Variants in NTM observed in about 807,000 individuals in gnomAD.
The protein encoded by NTM is IgLON family member 2.
Under a neutral mutation model 42.1 loss-of-function variants are expected in NTM, and 13 were observed. The observed-to-expected ratio is 0.31, with a 90% confidence interval of 0.20 to 0.49. The LOEUF is 0.49. Among genes scored for constraint, NTM ranks in the 20% least tolerant of loss-of-function variants. The pLI, the probability that NTM is intolerant of heterozygous loss-of-function variation, is 0.99. For missense variants in NTM, 373 were observed against 452.8 expected (o/e 0.82, Z 1.60); for synonymous variants, 187 against 179.2 (o/e 1.04, Z -0.35).
intron 1 of NTM, chr11:131,796,060 C>A: frequency 1.0e-6 from 1 of 985,376 alleles, no homozygotes; most frequent in Non-Finnish European, 1.2e-6. Flanking sequence ...TGATCAGTGC[C>A]AAACAGGAAA....
chr11:131,692,000 T>C (rs1046382046), intron 1 of NTM, among the ~76,000 whole-genome samples: 1 of 152,146 alleles, frequency 6.6e-6, no homozygotes, highest in Non-Finnish European at 1.5e-5. Flanking sequence ...GCGTGGGAAC[T>C]GTCATCAAGG....
intron 2 of NTM, among the ~76,000 whole-genome samples, chr11:132,095,349 C>G (rs1314895440): frequency 6.6e-6 from 1 of 152,094 alleles, no homozygotes; most frequent in Non-Finnish European, 1.5e-5. Flanking sequence ...GTTGCAGGAG[C>G]CCCTCCACAG....
intron 2 of NTM, among the ~76,000 whole-genome samples, chr11:132,033,229 T>C (rs1208939861): frequency 6.6e-6 from 1 of 152,168 alleles, no homozygotes; most frequent in African/African-American, 2.4e-5. Context: ...AGCCCAATCA[T>C]CCCCAGCTAG....
intron 1 of NTM, among the ~76,000 whole-genome samples, chr11:131,849,841 G>A (rs1316464854): frequency 6.9e-6 from 1 of 145,832 alleles, no homozygotes; most frequent in Non-Finnish European, 1.5e-5. Flanking sequence ...GGCGGGGGGA[G>A]GGATAGCATT....
At chr11:131,635,877 T>C (rs2064305011) in intron 1 of NTM, among the ~76,000 whole-genome samples, 1 of 152,216 alleles carries the variant, frequency 6.6e-6, no homozygotes, top group Non-Finnish European at 1.5e-5. Context: ...TTACTGTACC[T>C]TTCCTCTGTT....
At chr11:132,074,337 G>A (rs1228148725) in intron 2 of NTM, among the ~76,000 whole-genome samples, 1 of 152,116 alleles carries the variant, frequency 6.6e-6, no homozygotes, top group African/African-American at 2.4e-5. Context: ...AGGTGGGTGG[G>A]GAAACCTGCC....
chr11:131,888,432 C>A (rs900605958), intron 1 of NTM, among the ~76,000 whole-genome samples: 8 of 152,332 alleles, frequency 5.3e-5, no homozygotes, highest in Admixed American at 2.0e-4. Flanking sequence ...CATCTGCCAG[C>A]CCGGATCTCC....
chr11:131,596,331 T>C (rs1307468491), intron 1 of NTM, among the ~76,000 whole-genome samples: 1 of 152,174 alleles, frequency 6.6e-6, no homozygotes, highest in Admixed American at 6.5e-5. Context: ...AGTGAGACAG[T>C]GAATATTTTA....
At chr11:131,894,547 G>T (rs1447246838) in intron 1 of NTM, among the ~76,000 whole-genome samples, 1 of 152,176 alleles carries the variant, frequency 6.6e-6, no homozygotes, top group Non-Finnish European at 1.5e-5. Flanking sequence ...GGCCTAATGA[G>T]AAATCAGTCA....
intron 1 of NTM, among the ~76,000 whole-genome samples, chr11:131,701,534 G>T (rs534078587): frequency 2.6e-5 from 4 of 152,336 alleles, no homozygotes; most frequent in South Asian, 2.1e-4. Flanking sequence ...GGATCCAGAG[G>T]CACGGGCAAG....
intron 1 of NTM, among the ~76,000 whole-genome samples, chr11:131,583,870 T>C (rs1565666322): frequency 2.6e-5 from 4 of 152,184 alleles, no homozygotes; most frequent in Admixed American, 1.3e-4. Context: ...CCCTGAGAAG[T>C]ACCTTCATGG....
chr11:132,127,089 C>T (rs138112522), intron 2 of NTM, among the ~76,000 whole-genome samples: 1 of 152,218 alleles, frequency 6.6e-6, no homozygotes, highest in African/African-American at 2.4e-5. Flanking sequence ...CCCAAAACTC[C>T]TCCTATTTCA....
intron 1 of NTM, among the ~76,000 whole-genome samples, chr11:131,502,552 G>A (rs544959271): frequency 6.6e-6 from 1 of 152,130 alleles, no homozygotes; most frequent in South Asian, 2.1e-4. Context: ...AGTTGACGAG[G>A]GGTGCAAGAG....
intron 1 of NTM, among the ~76,000 whole-genome samples, chr11:131,744,950 C>T (rs746490146): frequency 6.6e-6 from 1 of 152,186 alleles, no homozygotes; most frequent in Non-Finnish European, 1.5e-5. Context: ...GCATTTACCT[C>T]CTGGGCAAAT....
intron 1 of NTM, among the ~76,000 whole-genome samples, chr11:131,513,904 G>A (rs1178083462): frequency 6.6e-6 from 1 of 152,088 alleles, no homozygotes; most frequent in Non-Finnish European, 1.5e-5. Context: ...AGCCCCAGGG[G>A]AAGAGAAGCA....
chr11:132,211,941 C>T, intron 3 of NTM, 81 bp from the exon 4 acceptor site: 4 of 1,411,374 alleles, frequency 2.8e-6, no homozygotes, highest in Non-Finnish European at 3.8e-6. Flanking sequence ...ACTCTCTGGA[C>T]TGTTCTGCCA....
At chr11:132,323,278 G>A (rs1270831016) in intron 7 of NTM, among the ~76,000 whole-genome samples, 16 of 151,830 alleles carry the variant, frequency 1.1e-4, no homozygotes, top group South Asian at 6.3e-4. Flanking sequence ...TTGATAGACC[G>A]CTAGCAAGAC....
At chr11:131,830,612 C>G (rs1256701186) in intron 1 of NTM, among the ~76,000 whole-genome samples, 1 of 152,114 alleles carries the variant, frequency 6.6e-6, no homozygotes, top group Non-Finnish European at 1.5e-5. Context: ...ATGCCTCCAG[C>G]TTTGTTCTAT....
At chr11:131,676,786 AC>A in intron 1 of NTM, among the ~76,000 whole-genome samples, 1 of 152,336 alleles carries the variant, frequency 6.6e-6, no homozygotes, top group Admixed American at 6.5e-5. Flanking sequence ...CCTTCTAAGA[AC>A]AAGGCGTCTT....
Sources: allele counts gnomAD v4.1 joint callset (sites outside exome capture counted in the v4.1 genomes callset), GRCh38; gene constraint gnomAD v4.1.1; transcripts MANE v1.5; gene names NCBI Gene and HGNC (gene_info 2026-07-23, HGNC 2026-07-21).